MCMBP: variants seen among roughly 807,000 people sequenced by gnomAD.
MCMBP encodes the protein minichromosome maintenance complex binding protein.
In MCMBP, 31 loss-of-function variants were observed where a neutral mutation model predicts 81.3. That is an observed-to-expected ratio of 0.38 (90% confidence interval 0.29 to 0.51). The LOEUF is 0.51. Among genes scored for constraint, MCMBP ranks in the 20% least tolerant of loss-of-function variants. MCMBP has a pLI of 0.87. For synonymous variants in MCMBP, 267 were observed against 275.9 expected (o/e 0.97, Z 0.32); for missense variants, 645 against 772.1 (o/e 0.84, Z 1.95).
chr10:119,844,385 C>T (rs1852546016), intron 8 of MCMBP, among the ~76,000 whole-genome samples: 1 of 152,140 alleles, frequency 6.6e-6, no homozygotes, highest in African/African-American at 2.4e-5. Flanking sequence ...TTAATACAAG[C>T]ATAATAACCT....
chr10:119,864,481 T>A (rs2134402449), intron 1 of MCMBP, among the ~76,000 whole-genome samples: 1 of 151,346 alleles, frequency 6.6e-6, no homozygotes, highest in Non-Finnish European at 1.5e-5. Context: ...TCTTTTCTAA[T>A]ATTGGTAATT....
chr10:119,832,305 CATATA>C (rs1852078069), intron 14 of MCMBP, among the ~76,000 whole-genome samples: 1 of 152,060 alleles, frequency 6.6e-6, no homozygotes, highest in African/African-American at 2.4e-5. Flanking sequence ...GTCAAGCAAA[CATATA>C]AATCAGCAAC....
Position 119,855,533 on chromosome 10 carries a change from A to T in MCMBP, c.429+1805T>A, listed in dbSNP as rs112839419. 6.7e-3 allele frequency among the ~76,000 whole-genome samples: 1,023 copies of T among 152,214 alleles called. 11 individuals carry two copies. The highest frequency in any genetic ancestry group is 0.024 in the African/African-American group (981 of 41,534). On this transcript the variant is annotated intron_variant, in intron 5 of 15. Transcript: ENST00000369077. ...AAAAATACAAAACAATTAGCCGGGC[A>T]TGGTGGCAGGCACCTGCAATCCCAG...
Position 119,838,670 on chromosome 10 carries a change from T to G in MCMBP, c.1273A>C (p.Met425Leu), listed in dbSNP as rs778463526. ...TGGGGAATGAATTTCAAATGGTTCA[T>G]GTTCTCTATAGTCATCTGCAGACGA... ...SFRLQMTIEN[M>L]NHLKFIPHKD... Residue 425 changes from methionine to leucine, a missense_variant, in exon 12 of 16, where the codon ATG becomes CTG. Met to Leu is a conservative substitution (Grantham distance 15). Transcript: ENST00000369077. 1 of 1,614,034 alleles carries G rather than the reference T, an allele frequency of 6.2e-7. No individual in the cohort carries two copies. Among genetic ancestry groups the G allele is most frequent in the African/African-American group, 1.3e-5 (1 of 75,068 alleles).
chr10:119,848,881 G>C (rs1358535835), intron 7 of MCMBP, among the ~76,000 whole-genome samples: 3 of 152,176 alleles, frequency 2.0e-5, no homozygotes, highest in Non-Finnish European at 2.9e-5. Context: ...TACAGGAAGG[G>C]AACAGACATA....
intron 5 of MCMBP, among the ~76,000 whole-genome samples, chr10:119,856,916 C>T (rs1475062305): frequency 2.6e-5 from 4 of 151,576 alleles, no homozygotes; most frequent in African/African-American, 9.7e-5. Flanking sequence ...GCTTGGGCAA[C>T]AAAGTGAACC....
chr10:119,839,682 C>T (rs1005358938), intron 11 of MCMBP, among the ~76,000 whole-genome samples: 4 of 152,044 alleles, frequency 2.6e-5, no homozygotes, highest in Non-Finnish European at 5.9e-5. Flanking sequence ...TTTCAATGTG[C>T]GAGACTAATG....
intron 12 of MCMBP, among the ~76,000 whole-genome samples, chr10:119,837,881 A>C (rs543053056): frequency 6.6e-6 from 1 of 152,264 alleles, no homozygotes; most frequent in African/African-American, 2.4e-5. Context: ...CTTTTTAAAA[A>C]GCTATTTGGG....
In MCMBP at chr10:119,830,092, TTTGAG is replaced by T. The variant is rs751059917; in HGVS notation, c.*1377_*1381del. ...ATTTACATTTGTTTATAAAAATAGA[TTTGAG>T]TTTAGGAAAAGTTGAACAACTAGTT... is the stretch of plus-strand genomic sequence containing the variant. On this transcript the variant is annotated 3_prime_UTR_variant, in exon 16 of 16. Coordinates refer to ENST00000369077, the MANE Select transcript of MCMBP (RefSeq NM_001256378.2). 6.6e-6 allele frequency: 1 copy of T among 152,624 alleles called. No homozygotes were observed. Among genetic ancestry groups the T allele is most frequent in the Non-Finnish European group, 1.5e-5 (1 of 68,040 alleles). The allele number at this position is 152,624 out of a possible 1,614,324, so 9.5% of individuals were successfully genotyped here.
At chr10:119,836,772 T>A (rs1028939335) in intron 13 of MCMBP, 124 bp downstream of exon 13, 1 of 38,410 alleles carries the variant, frequency 2.6e-5, no homozygotes, top group South Asian at 9.9e-4. Context: ...TTTTTTTTTT[T>A]TTTTTTTTTT....
rs908071631 is a variant in MCMBP, at chr10:119,831,299, G to C, written c.*175C>G. ...TCAAAAGCTCCATGAAATCAGTAAG[G>C]TAAAAGTCCTTACTGAATATCATAT... On this transcript the variant is annotated 3_prime_UTR_variant, in exon 16 of 16. Transcript: ENST00000369077. The C allele has an allele frequency of 3.8e-6, 2 of 524,264 alleles. No homozygotes were observed. The highest frequency in any genetic ancestry group is 6.3e-6 in the Non-Finnish European group (2 of 318,770). 32.5% of individuals were successfully genotyped at this position (524,264 alleles called of 1,614,324 possible). A position where few individuals can be genotyped will look rare whatever the true frequency, so the allele number is the denominator to read the frequency against.
chr10:119,868,730 G>A (rs1378643757), intron 1 of MCMBP, among the ~76,000 whole-genome samples: 4 of 152,124 alleles, frequency 2.6e-5, no homozygotes, highest in East Asian at 3.8e-4. Context: ...CATGGAGCAG[G>A]GGTACCCTAC....
chr10:119,838,297 ATATAT>A (rs893075643), intron 12 of MCMBP, among the ~76,000 whole-genome samples: 127 of 145,914 alleles, frequency 8.7e-4, no homozygotes, highest in Middle Eastern at 3.6e-3. Flanking sequence ...ATTATATAAG[ATATAT>A]TATATAAGAT....
intron 14 of MCMBP, 77 bp from the exon 15 acceptor site, chr10:119,832,177 T>C: frequency 7.7e-7 from 1 of 1,305,860 alleles, no homozygotes; most frequent in South Asian, 1.3e-5. Flanking sequence ...TTGACTGATG[T>C]AGTAAGGTGC....
intron 13 of MCMBP, 66 bp downstream of exon 13, chr10:119,836,830 A>C: frequency 1.6e-6 from 2 of 1,288,156 alleles, no homozygotes; most frequent in Non-Finnish European, 2.1e-6. Context: ...CGGTACCAAG[A>C]AACAGCAAAA....
At chr10:119,851,702 C>A (rs1330285079) in intron 6 of MCMBP, among the ~76,000 whole-genome samples, 1 of 152,074 alleles carries the variant, frequency 6.6e-6, no homozygotes, top group Non-Finnish European at 1.5e-5. Context: ...AAAAAGAATA[C>A]TACGACATTT....
intron 1 of MCMBP, among the ~76,000 whole-genome samples, chr10:119,871,202 T>C (rs542606275): frequency 8.5e-5 from 13 of 152,348 alleles, no homozygotes; most frequent in South Asian, 6.2e-4. Context: ...AATGCTACAA[T>C]TGAATCTTCA....
At chr10:119,838,405 C>A in intron 12 of MCMBP, 130 bp downstream of exon 12, 1 of 823,612 alleles carries the variant, frequency 1.2e-6, no homozygotes. Context: ...TAATCAAATT[C>A]ATATGCCAAG....
chr10:119,841,380 A>G (rs1340735399), intron 10 of MCMBP, among the ~76,000 whole-genome samples: 1 of 152,242 alleles, frequency 6.6e-6, no homozygotes, highest in Non-Finnish European at 1.5e-5. Context: ...GACTGATTTG[A>G]GAAAAGATAA....
Sources: allele counts gnomAD v4.1 joint callset (sites outside exome capture counted in the v4.1 genomes callset), GRCh38; gene constraint gnomAD v4.1.1; transcripts MANE v1.5; gene names NCBI Gene and HGNC (gene_info 2026-07-23, HGNC 2026-07-21).